The following KDM4B variants were observed in gnomAD, a reference collection of about 807,000 sequenced individuals.
KDM4B encodes lysine-specific demethylase 4B.
KDM4B carries 32 observed loss-of-function variants against 125.2 expected under a neutral mutation model. That is an observed-to-expected ratio of 0.26 (90% CI 0.19 to 0.34). The LOEUF (loss-of-function observed/expected upper bound fraction) is 0.34. Among genes scored for constraint, KDM4B ranks in the 10% least tolerant of loss-of-function variants. The pLI is 1.00. For missense variants in KDM4B, 1,190 were observed against 1,577.7 expected, an observed-to-expected ratio of 0.75 and a Z score of 4.16; for synonymous variants, 721 against 677.9, an observed-to-expected ratio of 1.06 and a Z score of -0.99.
chr19:5,033,533 C>T (rs1009733221), intron 3 of KDM4B, among the ~76,000 whole-genome samples: 1 of 150,644 alleles, frequency 6.6e-6, no homozygotes, highest in Non-Finnish European at 1.5e-5. Flanking sequence ...TGAGCTATGA[C>T]CGTGCTACTG....
At chr19:5,056,866 GTCC>G in intron 6 of KDM4B, among the ~76,000 whole-genome samples, 3 of 143,226 alleles carry the variant, frequency 2.1e-5, no homozygotes, top group South Asian at 4.9e-4. Flanking sequence ...GGGGCGGGGA[GTCC>G]TGGGGCGGGG....
At chr19:4,975,705 A>G (rs1456186171) in intron 1 of KDM4B, among the ~76,000 whole-genome samples, 1 of 149,216 alleles carries the variant, frequency 6.7e-6, no homozygotes. Flanking sequence ...CGATTCTCCT[A>G]CTTCAGCCTC....
rs148659347 is a variant in KDM4B, at chr19:5,044,713, A to G, written c.433-2763A>G. Among the ~76,000 whole-genome samples the G allele has an allele frequency of 9.1e-4, 138 of 151,614 alleles. 2 individuals carry two copies. The highest frequency in any genetic ancestry group is 3.2e-3 in the African/African-American group (132 of 41,292). On this transcript the variant is annotated intron_variant, in intron 5 of 22. Transcript: ENST00000159111. ...CAGTGTCACATGGAGTCATCCCACC[A>G]CTCTAATGATCCCCTGAGCTCCCCC...
intron 1 of KDM4B, among the ~76,000 whole-genome samples, chr19:4,973,070 G>A (rs2034316638): frequency 6.6e-6 from 1 of 152,194 alleles, no homozygotes; most frequent in Non-Finnish European, 1.5e-5. Flanking sequence ...CTGACCTGTC[G>A]ATTTGCCAGA....
At chr19:5,146,783 T>A (rs955724533) in intron 21 of KDM4B, among the ~76,000 whole-genome samples, 1 of 81,060 alleles carries the variant, frequency 1.2e-5, no homozygotes, top group African/African-American at 4.6e-5. Context: ...CTACAAAAAA[T>A]TTTAAAAATT....
intron 9 of KDM4B, among the ~76,000 whole-genome samples, chr19:5,088,278 G>T (rs1317039231): frequency 2.0e-5 from 3 of 152,230 alleles, no homozygotes; most frequent in Admixed American, 2.0e-4. Context: ...TCAGCCAGAT[G>T]CGCTCACATC....
rs190042529 is a variant in KDM4B at position 5,124,100 on chromosome 19, G to A, written c.1315+4248G>A. On this transcript the variant is annotated intron_variant, in intron 11 of 22. Coordinates refer to ENST00000159111, the MANE Select transcript of KDM4B (RefSeq NM_015015.3). ...TCTCACGAGTCAGAACGTGCTGGGG[G>A]CTGTGTGTGGTCTCACAGGAGATGG... Among the ~76,000 whole-genome samples the A allele has an allele frequency of 5.2e-3, 786 of 152,250 alleles. 13 individuals carry two copies. Among genetic ancestry groups the A allele is most frequent in the Non-Finnish European group, 4.4e-3 (296 of 68,012 alleles).
intron 13 of KDM4B, among the ~76,000 whole-genome samples, chr19:5,132,872 A>G (rs1313019039): frequency 6.6e-6 from 1 of 152,096 alleles, no homozygotes; most frequent in South Asian, 2.1e-4. Flanking sequence ...GGGGCCGCTT[A>G]GGGCCTTCCC....
chr19:5,111,418 A>G (rs768085150), intron 10 of KDM4B: 19 of 765,148 alleles, frequency 2.5e-5, no homozygotes, highest in Non-Finnish European at 3.1e-5. Flanking sequence ...CCAGCCAGGT[A>G]TCTGGTGTCC....
At chr19:5,104,846 C>T (rs1170642969) in intron 9 of KDM4B, among the ~76,000 whole-genome samples, 7 of 152,206 alleles carry the variant, frequency 4.6e-5, no homozygotes, top group African/African-American at 1.7e-4. Context: ...GAGCCTGACT[C>T]CAGGTCCCAA....
chr19:5,049,309 C>A (rs2037144661), intron 6 of KDM4B, among the ~76,000 whole-genome samples: 1 of 152,112 alleles, frequency 6.6e-6, no homozygotes, highest in African/African-American at 2.4e-5. Flanking sequence ...CTCTGCTTCG[C>A]CTGGTGCCGC....
intron 2 of KDM4B, among the ~76,000 whole-genome samples, chr19:5,025,698 C>T (rs2145583234): frequency 6.6e-6 from 1 of 152,336 alleles, no homozygotes; most frequent in East Asian, 1.9e-4. Context: ...TAGCTCTTCC[C>T]TGGCTTCGCT....
intron 21 of KDM4B, 105 bp downstream of exon 21, chr19:5,145,007 A>G: frequency 6.7e-7 from 1 of 1,495,038 alleles, no homozygotes. Flanking sequence ...TGCCTGGGGC[A>G]CTGGCGGGTG....
chr19:5,059,544 C>T (rs575434606), intron 6 of KDM4B, among the ~76,000 whole-genome samples: 177 of 152,330 alleles, frequency 1.2e-3, no homozygotes, highest in African/African-American at 4.0e-3. Flanking sequence ...GGCCTCTGCC[C>T]GTGGTGGGCA....
intron 9 of KDM4B, among the ~76,000 whole-genome samples, chr19:5,102,901 T>C (rs2038965966): frequency 6.6e-6 from 1 of 152,230 alleles, no homozygotes; most frequent in Non-Finnish European, 1.5e-5. Context: ...CAGGTTTTAT[T>C]GGGCATTAAT....
intron 1 of KDM4B, among the ~76,000 whole-genome samples, chr19:5,007,196 T>C (rs1314383755): frequency 6.6e-6 from 1 of 152,228 alleles, no homozygotes; most frequent in Non-Finnish European, 1.5e-5. Context: ...GACTGGAATA[T>C]GAATGGCAGC....
intron 5 of KDM4B, among the ~76,000 whole-genome samples, chr19:5,045,218 C>T (rs1356031909): frequency 5.3e-5 from 8 of 152,182 alleles, no homozygotes; most frequent in African/African-American, 1.7e-4. Context: ...CTGGAGTTGT[C>T]GGTGTTGTGC....
At chr19:5,120,282 G>A (rs2039336200) in intron 11 of KDM4B, among the ~76,000 whole-genome samples, 1 of 152,194 alleles carries the variant, frequency 6.6e-6, no homozygotes, top group African/African-American at 2.4e-5. Flanking sequence ...TTGCACCTCT[G>A]CACTCCAACC....
At chr19:4,989,813 C>T (rs1001369817) in intron 1 of KDM4B, among the ~76,000 whole-genome samples, 6 of 152,076 alleles carry the variant, frequency 3.9e-5, no homozygotes, top group Admixed American at 2.6e-4. Context: ...CCACTGTGCC[C>T]GGCTAATTTT....
Sources: gnomAD v4.1 joint callset for allele counts (sites outside exome capture counted in the v4.1 genomes callset) on GRCh38, gnomAD v4.1.1 for gene constraint, MANE v1.5 for transcripts, NCBI Gene and HGNC (gene_info 2026-07-23, HGNC 2026-07-21) for gene names.